The following ZNF610 variants were observed in gnomAD, a reference collection of about 807,000 sequenced individuals.
The protein encoded by ZNF610 is zinc finger protein 610.
Under a neutral mutation model 14.1 loss-of-function variants are expected in ZNF610, and 14 were observed. The ratio of observed to expected loss-of-function variants is 0.99; its 90% CI spans 0.65 to 1.55. ZNF610 has a LOEUF of 1.55. Ranked by LOEUF, ZNF610 falls within the 40% of genes most tolerant of loss-of-function variation. ZNF610 has a pLI of 0.00. For missense variants in ZNF610, 530 were observed against 558.0 expected (o/e 0.95, Z 0.51); for synonymous variants, 185 against 187.6 (o/e 0.99, Z 0.11).
intron 3 of ZNF610, among the ~76,000 whole-genome samples, chr19:52,353,453 A>G (rs1204980408): frequency 3.9e-5 from 6 of 152,194 alleles, no homozygotes; most frequent in Non-Finnish European, 8.8e-5. Context: ...TCTTCCCATG[A>G]ACCCAGGAGT....
At chr19:52,346,450 T>TG (rs1341217741) in intron 1 of ZNF610, among the ~76,000 whole-genome samples, 2 of 151,744 alleles carry the variant, frequency 1.3e-5, no homozygotes, top group African/African-American at 4.8e-5. Context: ...GGCGTGAGCA[T>TG]GGGGCCCAGA....
Position 52,365,822 on chromosome 19 carries a change from T to C in ZNF610, c.444T>C (p.Ser148=). 3 of 1,614,194 alleles carry C rather than the reference T, an allele frequency of 1.9e-6. No individual in the cohort carries two copies. The highest frequency in any genetic ancestry group is 2.5e-6 in the Non-Finnish European group (3 of 1,180,034). Residue 148 remains serine (S), a synonymous_variant, in exon 6 of 6, where the codon AGT becomes AGC. Transcript: ENST00000403906. Reference sequence around the variant, plus strand: ...AAGCCGGAAGGAAAATTTACAGAAGTAATCAAGTTGAAAAGTTTACAAACC... The same window carrying C: ...AAGCCGGAAGGAAAATTTACAGAAGCAATCAAGTTGAAAAGTTTACAAACC... The part of the protein sequence containing the change: ...LFQAGRKIYR[S]NQVEKFTNHR...
intron 1 of ZNF610, among the ~76,000 whole-genome samples, chr19:52,345,846 A>G (rs938917620): frequency 7.2e-5 from 11 of 151,814 alleles, no homozygotes; most frequent in Admixed American, 7.2e-4. Context: ...CTGGGACTAC[A>G]GGCGCTCACC....
At chr19:52,342,562 CG>C (rs1247013467) in intron 1 of ZNF610, among the ~76,000 whole-genome samples, 1 of 150,822 alleles carries the variant, frequency 6.6e-6, no homozygotes, top group Non-Finnish European at 1.5e-5. Context: ...CTCTGTCACC[CG>C]GGCTGGAGTG....
chr19:52,353,901 A>G, intron 4 of ZNF610, 93 bp downstream of exon 4: 1 of 1,463,530 alleles, frequency 6.8e-7, no homozygotes, highest in Non-Finnish European at 9.2e-7. Context: ...AAATTGCTTA[A>G]CTGAGGTAGA....
chr19:52,352,154 A>G (rs1985287902), intron 3 of ZNF610, among the ~76,000 whole-genome samples: 1 of 152,114 alleles, frequency 6.6e-6, no homozygotes, highest in Admixed American at 6.6e-5. Context: ...GGCCATGTGT[A>G]TATTTGCTGA....
At chr19:52,356,563 G>GT (rs1568652064) in intron 5 of ZNF610, among the ~76,000 whole-genome samples, 1 of 152,030 alleles carries the variant, frequency 6.6e-6, no homozygotes, top group African/African-American at 2.4e-5. Flanking sequence ...TTTGAGTGTG[G>GT]TTTTTTTAAA....
At chr19:52,365,370 A>C (rs1421805749) in intron 5 of ZNF610, among the ~76,000 whole-genome samples, 1 of 152,126 alleles carries the variant, frequency 6.6e-6, no homozygotes, top group Non-Finnish European at 1.5e-5. Flanking sequence ...TTATACTATT[A>C]CTAATGTCTA....
chr19:52,339,200 G>A (rs1984545817), intron 1 of ZNF610, among the ~76,000 whole-genome samples: 1 of 151,836 alleles, frequency 6.6e-6, no homozygotes, highest in African/African-American at 2.4e-5. Context: ...CATACAATCA[G>A]GTTTTACACC....
rs1216754527 is a variant in ZNF610 at position 52,347,740 on chromosome 19, C to T, written c.-224C>T. 6.6e-6 allele frequency: 1 copy of T among 152,136 alleles called. No homozygotes were observed. The highest frequency in any genetic ancestry group is 1.5e-5 in the Non-Finnish European group (1 of 68,032). The allele number at this position is 152,136 out of a possible 1,614,324, so 9.4% of individuals were successfully genotyped here. ...GTGTTGCCATGTTGTCCAAACTGGT[C>T]TCGAAATTCTGGAGTCAAGCAGTCT... On this transcript the variant is annotated 5_prime_UTR_variant, in exon 2 of 6. Coordinates refer to ENST00000403906, the MANE Select transcript of ZNF610 (RefSeq NM_001161425.2).
chr19:52,334,417 G>T (rs1027793974), upstream of ZNF610, among the ~76,000 whole-genome samples: 7 of 152,312 alleles, frequency 4.6e-5, no homozygotes, highest in Non-Finnish European at 8.8e-5. Flanking sequence ...GGAGGCTGAG[G>T]CAGGAGAATT....
At chr19:52,333,287 G>A (rs1323035232), upstream of ZNF610, among the ~76,000 whole-genome samples, 1 of 152,214 alleles carries the variant, frequency 6.6e-6, no homozygotes, top group Non-Finnish European at 1.5e-5. Context: ...GGCAGTAGGT[G>A]GAAGAAAAGG....
chr19:52,357,670 A>T (rs1489925591), intron 5 of ZNF610, among the ~76,000 whole-genome samples: 1 of 145,076 alleles, frequency 6.9e-6, no homozygotes, highest in African/African-American at 2.5e-5. Flanking sequence ...AAAAAAAAAA[A>T]ATTTAAAAAA....
intron 4 of ZNF610, 109 bp downstream of exon 4, chr19:52,353,917 T>G: frequency 7.3e-7 from 1 of 1,378,892 alleles, no homozygotes; most frequent in South Asian, 1.4e-5. Context: ...GTAGAAACCT[T>G]GTTGACTCAG....
chr19:52,344,983 T>C (rs1048739545), intron 1 of ZNF610: 5 of 152,270 alleles, frequency 3.3e-5, no homozygotes, highest in African/African-American at 7.2e-5. Context: ...AGTTTCACCA[T>C]GTAGCCCAGG....
upstream of ZNF610, among the ~76,000 whole-genome samples, chr19:52,331,768 G>A (rs62111465): frequency 0.17 from 26,267 of 152,066 alleles, 2,742 homozygotes; most frequent in Middle Eastern, 0.29. Context: ...TGCCTTTCTC[G>A]CTCTCTCTTT....
intron 3 of ZNF610, 116 bp downstream of exon 3, chr19:52,349,351 C>A: frequency 1.5e-6 from 2 of 1,364,618 alleles, no homozygotes; most frequent in Non-Finnish European, 2.1e-6. Context: ...CCTTTCATCT[C>A]GCTTAGATTC....
At position 52,366,210 on chromosome 19, in the gene ZNF610, C is replaced by T. The variant is rs140259910; in HGVS notation, c.832C>T (p.His278Tyr). 285 of 1,613,962 alleles carry T rather than the reference C, an allele frequency of 1.8e-4. 1 individual carries two copies. The African/African-American group carries it at 3.3e-3, about 18-fold the overall frequency. ...TAATCGCAATTCAAACCTTGCACGACATCAAAGAATTCATACTGGAGAGAA... is the reference window on the plus strand; with the variant it reads ...TAATCGCAATTCAAACCTTGCACGATATCAAAGAATTCATACTGGAGAGAA... ...VFNRNSNLARHQRIHTGEKPH... is the reference protein window; with the variant it reads ...VFNRNSNLARYQRIHTGEKPH... The change falls in exon 6 of 6, where the codon CAT becomes TAT. Residue 278 changes from histidine (H) to tyrosine (Y), a missense_variant. Physicochemically the swap from His to Tyr is moderately conservative, Grantham distance 83. Coordinates refer to ENST00000403906, the MANE Select transcript of ZNF610 (RefSeq NM_001161425.2).
At chr19:52,334,936 A>AACACACACACACACACACACACACACAC (rs559202600), upstream of ZNF610, among the ~76,000 whole-genome samples, 2,777 of 41,482 alleles carry the variant, frequency 0.067, 59 homozygotes, top group Middle Eastern at 0.1. Flanking sequence ...CTCAAAAACA[A>AACACACACACACACACACACACACACAC]ACACACACAC....
Sources: gnomAD v4.1 joint callset for allele counts (sites outside exome capture counted in the v4.1 genomes callset) on GRCh38, gnomAD v4.1.1 for gene constraint, MANE v1.5 for transcripts, NCBI Gene and HGNC (gene_info 2026-07-23, HGNC 2026-07-21) for gene names.